FRAS1: variants seen among roughly 807,000 people sequenced by gnomAD.
FRAS1 encodes the protein Fraser extracellular matrix complex subunit 1.
FRAS1 carries 290 observed loss-of-function variants against 435.2 expected under a neutral mutation model. The observed-to-expected ratio is 0.67, with a 90% CI of 0.61 to 0.73. The LOEUF (loss-of-function observed/expected upper bound fraction) is 0.73. Ranked by LOEUF, FRAS1 falls within the 30% of genes least tolerant of loss-of-function variation. The pLI is 0.00. For synonymous variants in FRAS1, 1,800 were observed against 1,851.0 expected (o/e 0.97, Z 0.71); for missense variants, 4,860 against 5,001.5 (o/e 0.97, Z 0.85).
At chr4:78,344,721 C>T (rs1445550644) in intron 20 of FRAS1, among the ~76,000 whole-genome samples, 3 of 151,964 alleles carry the variant, frequency 2.0e-5, no homozygotes, top group African/African-American at 4.8e-5. Flanking sequence ...ACTTGCTGGT[C>T]TGTTTTAAAT....
chr4:78,354,923 A>G (rs1051344468), intron 20 of FRAS1, among the ~76,000 whole-genome samples: 1 of 152,198 alleles, frequency 6.6e-6, no homozygotes, highest in Admixed American at 6.5e-5. Flanking sequence ...TCCATCCGTC[A>G]TGATTGTGGG....
chr4:78,086,063 A>G (rs1741144684), intron 2 of FRAS1, among the ~76,000 whole-genome samples: 2 of 152,224 alleles, frequency 1.3e-5, no homozygotes, highest in African/African-American at 4.8e-5. Context: ...AACAGAAATG[A>G]TAACAAACTG....
intron 2 of FRAS1, among the ~76,000 whole-genome samples, chr4:78,119,006 G>A (rs1181171176): frequency 1.3e-5 from 2 of 150,914 alleles, no homozygotes; most frequent in Non-Finnish European, 3.0e-5. Flanking sequence ...CTCTTTTATA[G>A]AATATGTGAG....
Position 78,278,636 on chromosome 4 carries a change from G to C in FRAS1, c.982-19G>C. On this transcript the variant is annotated intron_variant, in intron 9 of 73. Coordinates refer to ENST00000512123, the MANE Select transcript of FRAS1 (RefSeq NM_025074.7). ...AGATGTTAATTTGATATGTGCCACT[G>C]CAACCCTTATTTCTACAGGATGAAG... 6.9e-7 allele frequency: 1 copy of C among 1,442,760 alleles called. No homozygotes were observed. Among genetic ancestry groups the C allele is most frequent in the South Asian group, 1.1e-5 (1 of 87,050 alleles). 89.4% of individuals were successfully genotyped at this position (1,442,760 alleles called of 1,614,324 possible).
In FRAS1 at chr4:78,537,120, A is replaced by C. The variant is rs1346302809; in HGVS notation, c.11218A>C (p.Thr3740Pro). 1.2e-6 allele frequency: 2 copies of C among 1,614,024 alleles called. No individual in the cohort carries two copies. Among genetic ancestry groups the C allele is most frequent in the Admixed American group, 3.3e-5 (2 of 60,032 alleles). ...TGGTTATGTGCCTTTCTTTGATCCC[A>C]CGGGGACAATCTACAATGAAGGGCC... is the stretch of plus-strand genomic sequence containing the variant. ...KDGYVPFFDP[T>P]GTIYNEGPQY... is the part of the protein sequence containing the mutation. The change falls in exon 72 of 74, where the codon ACG (threonine) becomes CCG (proline). Residue 3740 changes from threonine (T) to proline (P), a missense_variant. Coordinates refer to ENST00000512123, the MANE Select transcript of FRAS1 (RefSeq NM_025074.7).
At chr4:78,406,962 G>T (rs374596315) in intron 30 of FRAS1, among the ~76,000 whole-genome samples, 1 of 152,146 alleles carries the variant, frequency 6.6e-6, no homozygotes, top group East Asian at 1.9e-4. Flanking sequence ...TCACGTGAAA[G>T]GTTACAGCCA....
intron 42 of FRAS1, 175 bp from the exon 43 acceptor site, chr4:78,446,552 C>T: frequency 1.5e-6 from 2 of 1,370,296 alleles, no homozygotes. Context: ...CATTTTGTTG[C>T]CTGGACTTGC....
At chr4:78,059,437 C>T (rs1381109520) in intron 1 of FRAS1, among the ~76,000 whole-genome samples, 1 of 151,870 alleles carries the variant, frequency 6.6e-6, no homozygotes. Context: ...GCCTGTGCAG[C>T]CTTCTCCCAA....
chr4:78,259,842 TTG>T (rs1245481930), intron 6 of FRAS1, among the ~76,000 whole-genome samples: 64 of 151,472 alleles, frequency 4.2e-4, no homozygotes, highest in Admixed American at 1.1e-3. Flanking sequence ...TGGTTTTAGG[TTG>T]AACGTTTAAG....
At chr4:78,246,145 G>A (rs1725234905) in intron 4 of FRAS1, among the ~76,000 whole-genome samples, 1 of 152,154 alleles carries the variant, frequency 6.6e-6, no homozygotes, top group South Asian at 2.1e-4. Context: ...TATGAAAATA[G>A]ACAGTTTATC....
At chr4:78,096,379 G>A (rs1741809891) in intron 2 of FRAS1, among the ~76,000 whole-genome samples, 1 of 152,188 alleles carries the variant, frequency 6.6e-6, no homozygotes. Flanking sequence ...GGGTCTGGAG[G>A]ATGGTGGCCC....
intron 2 of FRAS1, among the ~76,000 whole-genome samples, chr4:78,172,748 G>T (rs974249656): frequency 6.6e-6 from 1 of 151,452 alleles, no homozygotes; most frequent in South Asian, 2.1e-4. Flanking sequence ...ATTTTTAAAA[G>T]TCACCATTTT....
At chr4:78,322,477 A>G (rs184338658) in intron 18 of FRAS1, among the ~76,000 whole-genome samples, 2 of 152,324 alleles carry the variant, frequency 1.3e-5, no homozygotes, top group Admixed American at 1.3e-4. Context: ...GAGAAAAACA[A>G]CTGTTTTCTA....
chr4:78,129,818 A>C (rs1014605440), intron 2 of FRAS1, among the ~76,000 whole-genome samples: 1 of 152,084 alleles, frequency 6.6e-6, no homozygotes, highest in African/African-American at 2.4e-5. Flanking sequence ...GTTTGCCAAG[A>C]CCCATTCTAA....
At chr4:78,399,854 G>A (rs1305892653) in intron 29 of FRAS1, among the ~76,000 whole-genome samples, 1 of 152,088 alleles carries the variant, frequency 6.6e-6, no homozygotes, top group Non-Finnish European at 1.5e-5. Flanking sequence ...TCCATCTCCT[G>A]CCATTGGAGC....
At chr4:78,511,895 C>T (rs1721055486) in intron 64 of FRAS1, among the ~76,000 whole-genome samples, 1 of 152,186 alleles carries the variant, frequency 6.6e-6, no homozygotes, top group African/African-American at 2.4e-5. Context: ...TCCAACATCT[C>T]CCCTAATTTA....
rs181749002 is a variant in FRAS1, at chr4:78,197,890, G to A, written c.109-39620G>A. Among the ~76,000 whole-genome samples the A allele has an allele frequency of 9.6e-3, 1,459 of 151,642 alleles. 20 individuals carry two copies. Among genetic ancestry groups the A allele is most frequent in the African/African-American group, 0.034 (1,396 of 41,300 alleles). On this transcript the variant is annotated intron_variant, in intron 2 of 73. Transcript: ENST00000512123. The stretch of plus-strand genomic sequence containing the variant: ...CAGGAGGTGGAGCTTGCAGTGAGCC[G>A]AGATTGAGCCACTGCACTCCAGCCT...
rs772103511 is a variant in FRAS1, at chr4:78,479,589, G to T, written c.8314G>T (p.Ala2772Ser). Residue 2772 changes from alanine (A) to serine (S), a missense_variant, in exon 56 of 74, where the codon GCC (alanine) becomes TCC (serine). Coordinates refer to ENST00000512123, the MANE Select transcript of FRAS1 (RefSeq NM_025074.7). ...EYEEEEEFEI[A>S]LADASDNARI... ...TGAAGAGGAAGAAGAGTTTGAGATTGCCTTGGCAGATGCCTCTGACAATGC... is the reference window on the plus strand; with the variant it reads ...TGAAGAGGAAGAAGAGTTTGAGATTTCCTTGGCAGATGCCTCTGACAATGC... 1 of 1,613,974 alleles carries T rather than the reference G, an allele frequency of 6.2e-7. No individual in the cohort carries two copies. Among genetic ancestry groups the T allele is most frequent in the East Asian group, 2.2e-5 (1 of 44,866 alleles).
chr4:78,115,129 G>A (rs1438237675), intron 2 of FRAS1, among the ~76,000 whole-genome samples: 5 of 151,304 alleles, frequency 3.3e-5, no homozygotes, highest in African/African-American at 7.3e-5. Flanking sequence ...GCTAGATTAC[G>A]TTTATTGATT....
Sources: allele counts gnomAD v4.1 joint callset (sites outside exome capture counted in the v4.1 genomes callset), GRCh38; gene constraint gnomAD v4.1.1; transcripts MANE v1.5; gene names NCBI Gene and HGNC (gene_info 2026-07-23, HGNC 2026-07-21).